The following SDK1 variants were observed in gnomAD, a reference collection of about 807,000 sequenced individuals.
SDK1 encodes protein sidekick-1.
SDK1 carries 157 observed loss-of-function variants against 245.5 expected under a neutral mutation model. That is an observed-to-expected ratio of 0.64 (90% CI 0.56 to 0.73). The LOEUF (loss-of-function observed/expected upper bound fraction) is 0.73, where lower values mean the gene tolerates loss of function less well. SDK1 is among the 30% of genes least tolerant of loss of function. SDK1 has a pLI of 0.00. For synonymous variants in SDK1, 1,647 were observed against 1,278.5 expected (o/e 1.29, Z -6.15); for missense variants, 3,583 against 3,002.3 (o/e 1.19, Z -4.52).
intron 4 of SDK1, among the ~76,000 whole-genome samples, chr7:3,746,710 G>A (rs1562413484): frequency 6.6e-6 from 1 of 152,214 alleles, no homozygotes; most frequent in African/African-American, 2.4e-5. Context: ...TAGCAATTCA[G>A]TCATGTCTTC....
At position 3,619,011 on chromosome 7, in the gene SDK1, A is replaced by G. The variant is rs1030088210; in HGVS notation, c.299-69A>G. 3.5e-5 allele frequency: 43 copies of G among 1,231,150 alleles called. 1 individual carries two copies. The highest frequency in any genetic ancestry group is 3.2e-5 in the South Asian group (2 of 62,272). The allele number at this position is 1,231,150 out of a possible 1,614,324, so 76.3% of individuals were successfully genotyped here. ...TTACGTTTGTTTAAATAATAGATTT[A>G]TTAAATTAGATGAGTGCCACTTTCA... On this transcript the variant is annotated intron_variant, in intron 1 of 44. Coordinates refer to ENST00000404826, the MANE Select transcript of SDK1 (RefSeq NM_152744.4).
chr7:3,412,717 AT>A (rs1347327818), intron 1 of SDK1, among the ~76,000 whole-genome samples: 1 of 152,146 alleles, frequency 6.6e-6, no homozygotes, highest in African/African-American at 2.4e-5. Flanking sequence ...TTGCGAGTGT[AT>A]GAAAGACTTA....
chr7:3,686,391 T>G (rs1784281631), intron 4 of SDK1, among the ~76,000 whole-genome samples: 1 of 152,294 alleles, frequency 6.6e-6, no homozygotes, highest in Non-Finnish European at 1.5e-5. Context: ...AAACGTTACT[T>G]TTTTAAAAAT....
At position 3,580,991 on chromosome 7, in the gene SDK1, A is replaced by AAAAACC. The variant is rs1562578355; in HGVS notation, c.299-38086_299-38085insACCAAA. On this transcript the variant is annotated intron_variant, in intron 1 of 44. Coordinates refer to ENST00000404826, the MANE Select transcript of SDK1 (RefSeq NM_152744.4). ...CTCAAAAAAAAAAAAAAAAAAAAAA[A>AAAAACC]AAACCAAAACAAAACCCTGGAAGAC... 1.5e-5 allele frequency among the ~76,000 whole-genome samples: 2 copies of AAAAACC among 137,266 alleles called. 1 individual carries two copies. Among genetic ancestry groups the AAAAACC allele is most frequent in the East Asian group, 4.6e-4 (2 of 4,338 alleles). 90.1% of individuals were successfully genotyped at this position (137,266 alleles called of 152,430 possible).
intron 1 of SDK1, among the ~76,000 whole-genome samples, chr7:3,391,554 C>T (rs1244131338): frequency 6.7e-6 from 1 of 149,762 alleles, no homozygotes; most frequent in African/African-American, 2.5e-5. Flanking sequence ...TGTTTAAAAA[C>T]AATTTAAAAG....
chr7:3,570,773 A>C (rs1057185071), intron 1 of SDK1, among the ~76,000 whole-genome samples: 1 of 152,196 alleles, frequency 6.6e-6, no homozygotes, highest in Non-Finnish European at 1.5e-5. Context: ...AAGGCATTTC[A>C]GGCTTTGCTC....
intron 5 of SDK1, among the ~76,000 whole-genome samples, chr7:3,911,070 T>G (rs983497357): frequency 6.6e-6 from 1 of 152,170 alleles, no homozygotes; most frequent in African/African-American, 2.4e-5. Context: ...GCTCTCCATT[T>G]TGGGGGGACT....
At chr7:3,458,478 C>G (rs1335931492) in intron 1 of SDK1, among the ~76,000 whole-genome samples, 1 of 151,840 alleles carries the variant, frequency 6.6e-6, no homozygotes, top group African/African-American at 2.4e-5. Context: ...TTGTTTCCCT[C>G]TTTTATTGCT....
At chr7:3,448,757 A>T in intron 1 of SDK1, among the ~76,000 whole-genome samples, 1 of 152,194 alleles carries the variant, frequency 6.6e-6, no homozygotes, top group African/African-American at 2.4e-5. Flanking sequence ...ACTTTAAAAA[A>T]ATATTTAAAT....
At chr7:4,194,398 ATATG>A (rs1361904805) in intron 35 of SDK1, among the ~76,000 whole-genome samples, 1 of 110,864 alleles carries the variant, frequency 9.0e-6, no homozygotes, top group Non-Finnish European at 2.0e-5. Flanking sequence ...ATGTATACAT[ATATG>A]TATGCACATA....
intron 1 of SDK1, among the ~76,000 whole-genome samples, chr7:3,484,224 A>C (rs1781606737): frequency 6.6e-6 from 1 of 152,228 alleles, no homozygotes; most frequent in South Asian, 2.1e-4. Flanking sequence ...TGTATCCATG[A>C]ATTCACATCC....
At chr7:3,547,286 G>A (rs1002969106) in intron 1 of SDK1, among the ~76,000 whole-genome samples, 4 of 152,080 alleles carry the variant, frequency 2.6e-5, no homozygotes, top group East Asian at 1.9e-4. Flanking sequence ...TATTATAATT[G>A]ATCTGAATAA....
chr7:3,778,124 G>A (rs903385645), intron 4 of SDK1, among the ~76,000 whole-genome samples: 7 of 152,136 alleles, frequency 4.6e-5, no homozygotes, highest in Non-Finnish European at 2.9e-5. Flanking sequence ...TTCCCATGCC[G>A]TCGTGTCTCC....
At chr7:3,449,918 G>A (rs1359674072) in intron 1 of SDK1, among the ~76,000 whole-genome samples, 1 of 152,166 alleles carries the variant, frequency 6.6e-6, no homozygotes, top group Non-Finnish European at 1.5e-5. Flanking sequence ...AATTAGCCAC[G>A]TGTCCAGGAT....
intron 5 of SDK1, among the ~76,000 whole-genome samples, chr7:3,857,461 T>C (rs1270032844): frequency 6.6e-6 from 1 of 151,950 alleles, no homozygotes; most frequent in East Asian, 1.9e-4. Flanking sequence ...GGCAGGGGGA[T>C]TGTTTGTGCC....
intron 1 of SDK1, among the ~76,000 whole-genome samples, chr7:3,423,216 T>C (rs927002157): frequency 1.3e-5 from 2 of 152,172 alleles, no homozygotes; most frequent in Non-Finnish European, 2.9e-5. Context: ...ACAATTTACG[T>C]TTTTTATTGT....
chr7:4,258,436 C>T (rs1787759297), intron 44 of SDK1, among the ~76,000 whole-genome samples: 1 of 152,184 alleles, frequency 6.6e-6, no homozygotes, highest in South Asian at 2.1e-4. Flanking sequence ...CATGCCCTCC[C>T]ACTGAAATTG....
intron 39 of SDK1, 132 bp from the exon 40 acceptor site, chr7:4,221,107 G>A (rs529241836): frequency 1.1e-4 from 115 of 1,066,922 alleles, no homozygotes; most frequent in Admixed American, 4.1e-4. Flanking sequence ...CCCTGGGTGC[G>A]TGAGGTTAAG....
At chr7:3,897,606 C>T (rs1415581761) in intron 5 of SDK1, among the ~76,000 whole-genome samples, 1 of 152,132 alleles carries the variant, frequency 6.6e-6, no homozygotes, top group East Asian at 1.9e-4. Context: ...ATGTGACGGA[C>T]ACTTGGGCTG....
Sources: gnomAD v4.1 joint callset for allele counts (sites outside exome capture counted in the v4.1 genomes callset) on GRCh38, gnomAD v4.1.1 for gene constraint, MANE v1.5 for transcripts, NCBI Gene and HGNC (gene_info 2026-07-23, HGNC 2026-07-21) for gene names.